LRMDA: variants seen among roughly 807,000 people sequenced by gnomAD.
LRMDA encodes the protein leucine rich melanocyte differentiation associated, also known as leucine-rich melanocyte differentiation-associated protein.
In LRMDA, 18 loss-of-function variants were observed where a neutral mutation model predicts 29.8. The ratio of observed to expected loss-of-function variants is 0.60; its 90% confidence interval spans 0.42 to 0.90. The LOEUF (loss-of-function observed/expected upper bound fraction) is 0.90. Among genes scored for constraint, LRMDA ranks in the 40% least tolerant of loss-of-function variants. The pLI, the probability that LRMDA is intolerant of heterozygous loss-of-function variation, is 0.00. For missense variants in LRMDA, 273 were observed against 273.9 expected, an observed-to-expected ratio of 1.00 and a Z score of 0.02; for synonymous variants, 125 against 109.4, an observed-to-expected ratio of 1.14 and a Z score of -0.89.
At chr10:76,399,133 A>C (rs1300282841) in intron 6 of LRMDA, among the ~76,000 whole-genome samples, 1 of 152,210 alleles carries the variant, frequency 6.6e-6, no homozygotes, top group Non-Finnish European at 1.5e-5. Flanking sequence ...CTGCAAAATG[A>C]AATAAAGGTG....
intron 2 of LRMDA, among the ~76,000 whole-genome samples, chr10:75,809,690 A>T (rs1263017237): frequency 6.6e-6 from 1 of 152,120 alleles, no homozygotes; most frequent in Non-Finnish European, 1.5e-5. Context: ...GATTCATGGC[A>T]CTTCATGTTC....
Position 76,559,168 on chromosome 10 carries a change from T to C in LRMDA, c.*1880T>C, listed in dbSNP as rs192073777. 1 of 152,302 alleles carries C rather than the reference T, an allele frequency of 6.6e-6. No homozygotes were observed. The highest frequency in any genetic ancestry group is 6.5e-5 in the Admixed American group (1 of 15,300). The allele number at this position is 152,302 out of a possible 1,614,324, so 9.4% of individuals were successfully genotyped here. A position where few individuals can be genotyped will look rare whatever the true frequency, so the allele number is the denominator to read the frequency against. ...TCTAGCCACACATATATCCTTGTCT[T>C]TATAAAAGGCTTTAACCCTGCCTCA... On this transcript the variant is annotated 3_prime_UTR_variant, in exon 7 of 7. Coordinates refer to ENST00000611255, the MANE Select transcript of LRMDA (RefSeq NM_001305581.2).
intron 2 of LRMDA, among the ~76,000 whole-genome samples, chr10:75,555,765 A>G (rs1365700809): frequency 1.3e-5 from 2 of 152,218 alleles, no homozygotes; most frequent in African/African-American, 2.4e-5. Flanking sequence ...GAATACCTGG[A>G]TGATGGAATA....
chr10:75,801,434 A>G (rs953012457), intron 2 of LRMDA, among the ~76,000 whole-genome samples: 5 of 152,268 alleles, frequency 3.3e-5, no homozygotes, highest in African/African-American at 1.2e-4. Flanking sequence ...CATAGATATC[A>G]CCCAATATGG....
At chr10:75,711,193 G>T (rs1470509405) in intron 2 of LRMDA, among the ~76,000 whole-genome samples, 1 of 152,156 alleles carries the variant, frequency 6.6e-6, no homozygotes, top group Non-Finnish European at 1.5e-5. Flanking sequence ...AGAAGCTTTT[G>T]GGAGAGGTGA....
intron 2 of LRMDA, among the ~76,000 whole-genome samples, chr10:75,654,811 T>A (rs1219497844): frequency 6.6e-6 from 1 of 152,146 alleles, no homozygotes; most frequent in Non-Finnish European, 1.5e-5. Context: ...AAAGCAAGAA[T>A]GAGAAAAGCA....
chr10:76,461,390 T>G (rs911780409), intron 6 of LRMDA, among the ~76,000 whole-genome samples: 2 of 152,164 alleles, frequency 1.3e-5, no homozygotes, highest in East Asian at 3.9e-4. Flanking sequence ...TCGCATAGCC[T>G]ATCAGTCAGG....
intron 5 of LRMDA, among the ~76,000 whole-genome samples, chr10:76,174,630 C>T (rs1457481384): frequency 6.6e-6 from 1 of 152,138 alleles, no homozygotes; most frequent in Non-Finnish European, 1.5e-5. Flanking sequence ...ATGAGCTAAG[C>T]AGAAGGTCCC....
chr10:75,635,398 A>G (rs1406757881), intron 2 of LRMDA, among the ~76,000 whole-genome samples: 1 of 152,018 alleles, frequency 6.6e-6, no homozygotes, highest in Non-Finnish European at 1.5e-5. Context: ...TCTCTATTTA[A>G]TGACTTTTGA....
At chr10:75,923,867 C>T (rs528097105) in intron 2 of LRMDA, among the ~76,000 whole-genome samples, 8 of 152,222 alleles carry the variant, frequency 5.3e-5, no homozygotes, top group Admixed American at 1.3e-4. Flanking sequence ...AGACTCACTA[C>T]GGCCTAGGAC....
chr10:76,375,901 G>A (rs1299156271), intron 6 of LRMDA, among the ~76,000 whole-genome samples: 1 of 152,086 alleles, frequency 6.6e-6, no homozygotes, highest in African/African-American at 2.4e-5. Flanking sequence ...ATGGTTGAAA[G>A]CAGTTTAAAG....
chr10:76,290,151 G>A (rs962725213), intron 5 of LRMDA, among the ~76,000 whole-genome samples: 1 of 152,132 alleles, frequency 6.6e-6, no homozygotes, highest in African/African-American at 2.4e-5. Context: ...GACTTTTAGG[G>A]TATCCTAAAT....
At chr10:76,428,415 A>G (rs570220885) in intron 6 of LRMDA, among the ~76,000 whole-genome samples, 2 of 152,044 alleles carry the variant, frequency 1.3e-5, no homozygotes, top group African/African-American at 2.4e-5. Context: ...TAACTTCATG[A>G]TGAAGTTAAT....
chr10:75,736,498 C>T (rs887577006), intron 2 of LRMDA, among the ~76,000 whole-genome samples: 1 of 152,136 alleles, frequency 6.6e-6, no homozygotes, highest in Non-Finnish European at 1.5e-5. Flanking sequence ...GGTACAGAGG[C>T]TTGATTGCAT....
chr10:75,919,953 C>A (rs910282863), intron 2 of LRMDA, among the ~76,000 whole-genome samples: 1 of 152,012 alleles, frequency 6.6e-6, no homozygotes, highest in Admixed American at 6.5e-5. Context: ...TAATAATTAT[C>A]TCTCTCTCCT....
chr10:75,533,329 C>T (rs117189795), intron 2 of LRMDA, among the ~76,000 whole-genome samples: 1 of 152,244 alleles, frequency 6.6e-6, no homozygotes, highest in East Asian at 1.9e-4. Flanking sequence ...TGAGGAAAAC[C>T]TATATACAAA....
chr10:76,341,182 A>G (rs1841037260), intron 6 of LRMDA, among the ~76,000 whole-genome samples: 1 of 152,210 alleles, frequency 6.6e-6, no homozygotes, highest in Non-Finnish European at 1.5e-5. Context: ...CAAGCAGAAC[A>G]GTAAATGAGG....
chr10:76,516,525 T>C (rs1843063332), intron 6 of LRMDA, among the ~76,000 whole-genome samples: 1 of 151,852 alleles, frequency 6.6e-6, no homozygotes, highest in Non-Finnish European at 1.5e-5. Flanking sequence ...CCCCAGAGTG[T>C]GATGTTCCCC....
chr10:75,918,825 A>G (rs1478369787), intron 2 of LRMDA, among the ~76,000 whole-genome samples: 1 of 152,132 alleles, frequency 6.6e-6, no homozygotes, highest in Non-Finnish European at 1.5e-5. Context: ...TCTTGCCTTT[A>G]TTCACCTGTT....
Sources: gnomAD v4.1 joint callset for allele counts (sites outside exome capture counted in the v4.1 genomes callset) on GRCh38, gnomAD v4.1.1 for gene constraint, MANE v1.5 for transcripts, NCBI Gene and HGNC (gene_info 2026-07-23, HGNC 2026-07-21) for gene names.